The following CBR4 variants were observed in gnomAD, a reference collection of about 807,000 sequenced individuals.
The protein encoded by CBR4 is 3-oxoacyl-[acyl-carrier-protein] reductase.
A neutral mutation model predicts 21.0 loss-of-function variants in CBR4; 22 were observed. The ratio of observed to expected loss-of-function variants is 1.05; its 90% CI spans 0.75 to 1.50. The LOEUF (loss-of-function observed/expected upper bound fraction) is 1.50, where lower values mean the gene tolerates loss of function less well. CBR4 is among the 40% of genes most tolerant of loss of function. The pLI is 0.00. For synonymous variants in CBR4, 100 were observed against 104.4 expected (o/e 0.96, Z 0.26); for missense variants, 302 against 286.3 (o/e 1.05, Z -0.40).
intron 2 of CBR4, among the ~76,000 whole-genome samples, chr4:168,962,462 G>A (rs546385096): frequency 9.2e-5 from 14 of 152,172 alleles, no homozygotes; most frequent in African/African-American, 2.4e-4. Context: ...GTAAATGTAC[G>A]GGATGGAAGA....
At chr4:168,953,506 C>T (rs145898701) in intron 2 of CBR4, among the ~76,000 whole-genome samples, 116 of 152,208 alleles carry the variant, frequency 7.6e-4, no homozygotes, top group Middle Eastern at 3.4e-3. Flanking sequence ...TCACTGCAGC[C>T]TCTCAACGTC....
At chr4:168,978,553 C>T (rs1045945633) in intron 2 of CBR4, among the ~76,000 whole-genome samples, 1 of 152,286 alleles carries the variant, frequency 6.6e-6, no homozygotes, top group Middle Eastern at 3.4e-3. Flanking sequence ...GAATAAGAGC[C>T]CCAGGAAACC....
rs1190179892 is a variant in CBR4 at position 168,917,049 on chromosome 4, G to GT, written n.170-22285dup. Among the ~76,000 whole-genome samples the GT allele has an allele frequency of 6.1e-3, 758 of 124,876 alleles. 6 individuals are homozygous for GT. Among genetic ancestry groups the GT allele is most frequent in the African/African-American group, 0.01 (327 of 31,182 alleles). The allele number at this position is 124,876 out of a possible 152,430, so 81.9% of individuals were successfully genotyped here. ...CAGCAGGGCTTTTTGTTTTTTTGGG[G>GT]TTTTTTTTTTTTTTTTTGAGACGGA... On this transcript the variant is annotated intron_variant and non_coding_transcript_variant, in intron 2 of 3. Transcript: ENST00000509108.
chr4:168,987,405 G>C (rs1764726484), downstream of CBR4, among the ~76,000 whole-genome samples: 1 of 152,194 alleles, frequency 6.6e-6, no homozygotes, highest in Admixed American at 6.5e-5. Context: ...AGTAGGCAAG[G>C]TGTGGGTATC....
intron 2 of CBR4, among the ~76,000 whole-genome samples, chr4:168,920,477 G>T (rs918499471): frequency 1.3e-4 from 20 of 152,124 alleles, no homozygotes; most frequent in Non-Finnish European, 2.9e-4. Flanking sequence ...ACATCTTTTT[G>T]TATATAACTT....
intron 2 of CBR4, among the ~76,000 whole-genome samples, chr4:168,951,293 G>A (rs532677530): frequency 1.3e-3 from 192 of 152,146 alleles, no homozygotes; most frequent in Non-Finnish European, 2.2e-3. Flanking sequence ...TCTTGACCTC[G>A]TGATCCACCC....
chr4:168,931,339 G>C (rs1762963997), intron 2 of CBR4, among the ~76,000 whole-genome samples: 1 of 152,156 alleles, frequency 6.6e-6, no homozygotes, highest in African/African-American at 2.4e-5. Flanking sequence ...GCCCAGGCTA[G>C]GGTATGAGAA....
At chr4:168,907,921 A>T (rs1249062805) in intron 2 of CBR4, among the ~76,000 whole-genome samples, 1 of 152,156 alleles carries the variant, frequency 6.6e-6, no homozygotes, top group East Asian at 1.9e-4. Flanking sequence ...TATTCCAACC[A>T]ACTCCAAAGA....
At chr4:168,967,045 A>C (rs1764062425) in intron 2 of CBR4, among the ~76,000 whole-genome samples, 1 of 152,048 alleles carries the variant, frequency 6.6e-6, no homozygotes, top group East Asian at 1.9e-4. Flanking sequence ...TACTATAAAG[A>C]CACATGCACA....
downstream of CBR4, among the ~76,000 whole-genome samples, chr4:168,983,923 C>T (rs1300703776): frequency 2.6e-5 from 4 of 151,998 alleles, no homozygotes; most frequent in South Asian, 2.1e-4. Context: ...ATAATAAAAG[C>T]CATCTAAACA....
chr4:168,946,278 G>A (rs1763394982), intron 2 of CBR4, among the ~76,000 whole-genome samples: 1 of 152,216 alleles, frequency 6.6e-6, no homozygotes, highest in Admixed American at 6.5e-5. Context: ...AGGCAGGAGA[G>A]TCTTCTCTGG....
At chr4:168,976,486 T>C (rs1040535879) in intron 2 of CBR4, among the ~76,000 whole-genome samples, 2 of 152,226 alleles carry the variant, frequency 1.3e-5, no homozygotes, top group Non-Finnish European at 2.9e-5. Context: ...GGTGGGATTA[T>C]CATTAGTTCT....
chr4:168,990,900 A>C (rs1764886863), intron 4 of CBR4, among the ~76,000 whole-genome samples: 3 of 151,842 alleles, frequency 2.0e-5, no homozygotes, highest in Admixed American at 2.0e-4. Flanking sequence ...TAAAAATACA[A>C]AAAATTAGCT....
intron 4 of CBR4, among the ~76,000 whole-genome samples, chr4:168,995,464 C>T (rs1416966429): frequency 6.6e-6 from 1 of 152,156 alleles, no homozygotes; most frequent in Admixed American, 6.5e-5. Flanking sequence ...GAGACCTAAG[C>T]AGTGAGACAC....
chr4:168,968,338 G>A (rs1008696732), intron 2 of CBR4, among the ~76,000 whole-genome samples: 4 of 152,204 alleles, frequency 2.6e-5, no homozygotes, highest in Non-Finnish European at 5.9e-5. Context: ...GCTATCATCA[G>A]TAGAGTGGAT....
In CBR4 at chr4:168,990,112, T is replaced by C. The variant is rs768811321; in HGVS notation, c.*38A>G. 6.0e-6 allele frequency: 9 copies of C among 1,491,808 alleles called. No homozygotes were observed. Among genetic ancestry groups the C allele is most frequent in the Non-Finnish European group, 7.2e-6 (8 of 1,114,850 alleles). The allele number at this position is 1,491,808 out of a possible 1,614,324, so 92.4% of individuals were successfully genotyped here. A position where few individuals can be genotyped will look rare whatever the true frequency, so the allele number is the denominator to read the frequency against. On this transcript the variant is annotated 3_prime_UTR_variant, in exon 5 of 5. Coordinates refer to ENST00000306193, the MANE Select transcript of CBR4 (RefSeq NM_032783.5). ...TCTAATCAGTAGCCAAAGTGTGCCC[T>C]TGATGCTAATCACCCCTATAACTGA...
intron 2 of CBR4, among the ~76,000 whole-genome samples, chr4:168,934,161 C>CTCAGA (rs1227450986): frequency 7.9e-5 from 12 of 151,098 alleles, no homozygotes; most frequent in Admixed American, 6.6e-4. Context: ...AGGCTCGGGC[C>CTCAGA]AGGTTGCTTT....
downstream of CBR4, among the ~76,000 whole-genome samples, chr4:168,984,390 G>GA (rs762045411): frequency 4.6e-5 from 7 of 151,820 alleles, no homozygotes; most frequent in Non-Finnish European, 8.8e-5. Flanking sequence ...ACACACTGCT[G>GA]AAAAAATCAG....
At chr4:168,970,645 C>A (rs1219110203) in intron 2 of CBR4, among the ~76,000 whole-genome samples, 1 of 152,012 alleles carries the variant, frequency 6.6e-6, no homozygotes. Flanking sequence ...CCCTCCCACC[C>A]TTCCCTGCAA....
Sources: gnomAD v4.1 joint callset for allele counts (sites outside exome capture counted in the v4.1 genomes callset) on GRCh38, gnomAD v4.1.1 for gene constraint, MANE v1.5 for transcripts, NCBI Gene and HGNC (gene_info 2026-07-23, HGNC 2026-07-21) for gene names.